LCOR: variants seen among roughly 807,000 people sequenced by gnomAD.
LCOR encodes ligand-dependent corepressor.
In LCOR, 14 loss-of-function variants were observed where a neutral mutation model predicts 64.4. The ratio of observed to expected loss-of-function variants is 0.22; its 90% CI spans 0.14 to 0.34. The LOEUF (loss-of-function observed/expected upper bound fraction) is 0.34. Ranked by LOEUF, LCOR falls within the 10% of genes least tolerant of loss-of-function variation. The pLI is 1.00. For synonymous variants in LCOR, 643 were observed against 642.5 expected (o/e 1.00, Z -0.01); for missense variants, 1,686 against 1,765.3 (o/e 0.96, Z 0.80).
rs1004914446 is a variant in LCOR, at chr10:96,833,154, G to A, written c.-403-252G>A. The A allele has an allele frequency of 5.5e-5, 54 of 985,544 alleles. No individual in the cohort carries two copies. The East Asian group carries it at 6.8e-4, about 12-fold the overall frequency. 61.0% of individuals were successfully genotyped at this position (985,544 alleles called of 1,614,324 possible). ...ATTTGTGTTCGGTGTCGTGCTGCGG[G>A]AGGAGGGGGTGGGACCGGGTCCGAC... On this transcript the variant is annotated intron_variant, in intron 1 of 7. Coordinates refer to ENST00000421806, the MANE Select transcript of LCOR (RefSeq NM_001346516.2).
chr10:96,956,795 T>G (rs1472003124), intron 7 of LCOR: 1 of 985,748 alleles, frequency 1.0e-6, no homozygotes, highest in Non-Finnish European at 1.2e-6. Flanking sequence ...GATGCCTCAT[T>G]TTAGCAAACT....
chr10:96,896,590 A>G (rs1846541234), intron 2 of LCOR, among the ~76,000 whole-genome samples: 1 of 151,886 alleles, frequency 6.6e-6, no homozygotes, highest in African/African-American at 2.4e-5. Flanking sequence ...AGCCTAGCTA[A>G]TTTTTGTATT....
intron 2 of LCOR, among the ~76,000 whole-genome samples, chr10:96,881,995 A>G (rs1337927589): frequency 1.3e-5 from 2 of 152,066 alleles, no homozygotes; most frequent in Non-Finnish European, 2.9e-5. Flanking sequence ...TCTAATTGCT[A>G]TTCATTTGAG....
At chr10:96,966,962 CT>C (rs1847957774) in intron 7 of LCOR, among the ~76,000 whole-genome samples, 1 of 152,192 alleles carries the variant, frequency 6.6e-6, no homozygotes, top group Non-Finnish European at 1.5e-5. Context: ...TCTCGAACTC[CT>C]GAGCACAAGT....
In LCOR at chr10:96,949,096, C is replaced by T. The variant is rs1485112683; in HGVS notation, c.39C>T (p.Thr13=). 2 of 1,613,908 alleles carry T rather than the reference C, an allele frequency of 1.2e-6. No individual in the cohort carries two copies. Among genetic ancestry groups the T allele is most frequent in the Non-Finnish European group, 1.7e-6 (2 of 1,179,946 alleles). ...RMIQQFAAEY[T]SKNSSTQDPS... is the part of the protein sequence containing the mutation. ...TCCAACAATTTGCTGCTGAATATACCTCAAAAAATAGCTCTACTCAGGACC... is the reference window on the plus strand; with the variant it reads ...TCCAACAATTTGCTGCTGAATATACTTCAAAAAATAGCTCTACTCAGGACC... The change falls in exon 6 of 8, where the codon ACC becomes ACT. Residue 13 remains threonine, a synonymous_variant. Transcript: ENST00000421806.
rs761952827 is a variant in LCOR at position 96,986,967 on chromosome 10, T to C, written c.*1833T>C. 4 of 152,228 alleles carry C rather than the reference T, an allele frequency of 2.6e-5. No individual in the cohort carries two copies. Among genetic ancestry groups the C allele is most frequent in the Admixed American group, 1.3e-4 (2 of 15,292 alleles). The allele number at this position is 152,228 out of a possible 1,614,324, so 9.4% of individuals were successfully genotyped here. On this transcript the variant is annotated 3_prime_UTR_variant, in exon 8 of 8. Coordinates refer to ENST00000421806, the MANE Select transcript of LCOR (RefSeq NM_001346516.2). ...ATTGGATAAGACTGGAGAAAAGTAT[T>C]TGATTTGTGAGAAATTTAGAATTGT...
intron 7 of LCOR, chr10:96,955,329 G>A (rs756476110): frequency 1.9e-6 from 3 of 1,613,988 alleles, no homozygotes; most frequent in Non-Finnish European, 2.5e-6. Context: ...GGCACTTCAA[G>A]CAAAACAAGA....
At chr10:96,833,929 G>T (rs1479688801) in intron 2 of LCOR, among the ~76,000 whole-genome samples, 1 of 152,194 alleles carries the variant, frequency 6.6e-6, no homozygotes, top group South Asian at 2.1e-4. Context: ...AGGGGGTGTG[G>T]AGAGGCTCAG....
intron 7 of LCOR, among the ~76,000 whole-genome samples, chr10:96,968,839 G>A (rs1164284839): frequency 1.3e-5 from 2 of 152,010 alleles, no homozygotes; most frequent in Non-Finnish European, 2.9e-5. Flanking sequence ...TGGTGGTGAG[G>A]TGGGAGGGTC....
At chr10:96,856,014 G>C (rs1165551632) in intron 2 of LCOR, among the ~76,000 whole-genome samples, 1 of 152,130 alleles carries the variant, frequency 6.6e-6, no homozygotes, top group Non-Finnish European at 1.5e-5. Flanking sequence ...AACGTGCTGG[G>C]ATCACAGGCG....
At chr10:96,970,624 ATTTATTTTAT>A (rs1554841763) in intron 7 of LCOR, among the ~76,000 whole-genome samples, 41 of 129,286 alleles carry the variant, frequency 3.2e-4, no homozygotes, top group South Asian at 2.5e-4. Flanking sequence ...ATTTTATTTT[ATTTATTTTAT>A]TTTATTTTAT....
At chr10:96,959,297 G>A (rs1208304536) in intron 7 of LCOR, 3 of 152,098 alleles carry the variant, frequency 2.0e-5, no homozygotes, top group Non-Finnish European at 4.4e-5. Flanking sequence ...GTATGGGAAA[G>A]TGTAGTTCAC....
intron 4 of LCOR, among the ~76,000 whole-genome samples, chr10:96,939,748 G>A (rs1847416069): frequency 6.6e-6 from 1 of 152,242 alleles, no homozygotes; most frequent in African/African-American, 2.4e-5. Context: ...CGGATCACAA[G>A]GTCAGGAGAT....
chr10:96,953,911 C>T (rs1257887677), intron 7 of LCOR, among the ~76,000 whole-genome samples: 1 of 152,182 alleles, frequency 6.6e-6, no homozygotes, highest in Non-Finnish European at 1.5e-5. Flanking sequence ...ATGTAATCAT[C>T]CCCTTGGGCA....
At chr10:96,874,941 A>G (rs941366259) in intron 2 of LCOR, among the ~76,000 whole-genome samples, 6 of 151,924 alleles carry the variant, frequency 3.9e-5, no homozygotes, top group Non-Finnish European at 7.4e-5. Flanking sequence ...CGGCCTGTCA[A>G]TCTCTTTAAT....
rs146865424 is a variant in LCOR at position 96,851,522 on chromosome 10, G to A, written c.-330+18043G>A. Among the ~76,000 whole-genome samples, 33 of 152,282 alleles carry A rather than the reference G, an allele frequency of 2.2e-4. No individual in the cohort carries two copies. In the East Asian group the frequency reaches 6.4e-3, roughly 29 times the overall value. ...CGAAAAAGTGCCTGTGGATGACGTG[G>A]TAAAATCATGTCAGTGTTTAAAATC... On this transcript the variant is annotated intron_variant, in intron 2 of 7. Transcript: ENST00000421806.
At chr10:96,965,681 A>C (rs1847942348) in intron 7 of LCOR, among the ~76,000 whole-genome samples, 1 of 151,400 alleles carries the variant, frequency 6.6e-6, no homozygotes, top group African/African-American at 2.4e-5. Context: ...AAAAAAAAAA[A>C]AAAGACGGGC....
chr10:96,912,607 T>TCTTCCTTCTTTCCTTCCTTC lies in LCOR; in HGVS notation c.-184+4868_-184+4869insTTTCCTTCCTTCCTTCCTTC, dbSNP rs1554836480. On this transcript the variant is annotated intron_variant, in intron 4 of 7. Transcript: ENST00000421806. ...TCTGTAAGATCTTCCTTTCTTCCTTTCTTCCTTCCTTCCTTCCTTCCTTCC... is the reference window on the plus strand; with the variant it reads ...TCTGTAAGATCTTCCTTTCTTCCTTTCTTCCTTCTTTCCTTCCTTCCTTCCTTCCTTCCTTCCTTCCTTCC... Among the ~76,000 whole-genome samples, 21 of 140,394 alleles carry TCTTCCTTCTTTCCTTCCTTC rather than the reference T, an allele frequency of 1.5e-4. 1 individual carries two copies. The highest frequency in any genetic ancestry group is 5.8e-4 in the African/African-American group (20 of 34,328). 92.1% of individuals were successfully genotyped at this position (140,394 alleles called of 152,430 possible). A position where few individuals can be genotyped will look rare whatever the true frequency, so the allele number is the denominator to read the frequency against.
intron 2 of LCOR, among the ~76,000 whole-genome samples, chr10:96,892,892 G>A (rs1045017079): frequency 6.6e-6 from 1 of 152,020 alleles, no homozygotes; most frequent in Non-Finnish European, 1.5e-5. Context: ...GCCCATCTCT[G>A]CCTATTAATT....
Sources: allele counts gnomAD v4.1 joint callset (sites outside exome capture counted in the v4.1 genomes callset), GRCh38; gene constraint gnomAD v4.1.1; transcripts MANE v1.5; gene names NCBI Gene and HGNC (gene_info 2026-07-23, HGNC 2026-07-21).